Variants in CDH6 observed in about 807,000 individuals in gnomAD.
The protein encoded by CDH6 is cadherin 6.
In CDH6, 31 loss-of-function variants were observed where a neutral mutation model predicts 78.0. The observed-to-expected ratio is 0.40, with a 90% CI of 0.30 to 0.54. The LOEUF is 0.54. Ranked by LOEUF, CDH6 falls within the 20% of genes least tolerant of loss-of-function variation. CDH6 has a pLI of 0.56. For synonymous variants in CDH6, 376 were observed against 368.8 expected, an observed-to-expected ratio of 1.02 and a Z score of -0.23; for missense variants, 724 against 975.9, an observed-to-expected ratio of 0.74 and a Z score of 3.44.
At position 31,326,494 on chromosome 5, in the gene CDH6, G is replaced by A; in HGVS notation, c.*3186G>A. On this transcript the variant is annotated 3_prime_UTR_variant, in exon 12 of 12. Coordinates refer to ENST00000265071, the MANE Select transcript of CDH6 (RefSeq NM_004932.4). Reference sequence around the variant, plus strand: ...CCACAAGAGAGGGAATGTGGGCACAGTAAATAGATGTTTCTTTCAGAACTT... The same window carrying A: ...CCACAAGAGAGGGAATGTGGGCACAATAAATAGATGTTTCTTTCAGAACTT... 5.1e-6 allele frequency: 1 copy of A among 195,688 alleles called. No individual in the cohort carries two copies. Among genetic ancestry groups the A allele is most frequent in the Non-Finnish European group, 1.1e-5 (1 of 94,246 alleles). The allele number at this position is 195,688 out of a possible 1,614,324, so 12.1% of individuals were successfully genotyped here.
intron 1 of CDH6, among the ~76,000 whole-genome samples, chr5:31,260,431 G>A (rs1161482658): frequency 6.6e-6 from 1 of 152,130 alleles, no homozygotes; most frequent in African/African-American, 2.4e-5. Flanking sequence ...CCCACATGTG[G>A]TAGAAAAACT....
chr5:31,213,385 G>T (rs1740771820), intron 1 of CDH6, among the ~76,000 whole-genome samples: 1 of 152,128 alleles, frequency 6.6e-6, no homozygotes, highest in Non-Finnish European at 1.5e-5. Context: ...TTGGCTGTTG[G>T]TGTCTCTGTC....
intron 1 of CDH6, among the ~76,000 whole-genome samples, chr5:31,264,407 C>G (rs1319507058): frequency 1.3e-5 from 2 of 152,080 alleles, no homozygotes; most frequent in African/African-American, 4.8e-5. Context: ...TTATAACACC[C>G]TATGAGGTGG....
Position 31,317,854 on chromosome 5 carries a change from G to A in CDH6, c.1812G>A (p.Ala604=). 6.2e-7 allele frequency: 1 copy of A among 1,614,006 alleles called. No homozygotes were observed. ...ACATGCAATCCTGCCATGCGGAGGC[G>A]CTCATCCACCCCACGGGACTGAGCA... ...HGNMQSCHAE[A]LIHPTGLSTG... is the part of the protein sequence containing the mutation. The change falls in exon 11 of 12, where the codon GCG becomes GCA. Residue 604 remains alanine (A), a synonymous_variant. Coordinates refer to ENST00000265071, the MANE Select transcript of CDH6 (RefSeq NM_004932.4).
At chr5:31,246,693 T>C (rs1490948709) in intron 1 of CDH6, among the ~76,000 whole-genome samples, 1 of 152,204 alleles carries the variant, frequency 6.6e-6, no homozygotes, top group Non-Finnish European at 1.5e-5. Context: ...GACCGCAAAA[T>C]GTGCATAGGT....
intron 1 of CDH6, among the ~76,000 whole-genome samples, chr5:31,196,342 G>A (rs1455827562): frequency 6.6e-6 from 1 of 152,176 alleles, no homozygotes; most frequent in African/African-American, 2.4e-5. Flanking sequence ...CTGAAAATTA[G>A]GACTAATTGA....
At chr5:31,216,985 C>T (rs1029671228) in intron 1 of CDH6, among the ~76,000 whole-genome samples, 6 of 152,042 alleles carry the variant, frequency 3.9e-5, no homozygotes, top group Non-Finnish European at 2.9e-5. Context: ...GTCCTTCTCC[C>T]TGGGTGCTGT....
Position 31,207,775 on chromosome 5 carries a change from T to C in CDH6, c.-129+13889T>C, listed in dbSNP as rs553033497. Among the ~76,000 whole-genome samples the C allele has an allele frequency of 3.3e-5, 5 of 152,340 alleles. No homozygotes were observed. In the East Asian group the frequency reaches 5.8e-4, roughly 18 times the overall value. ...TGTGTTGGAGGTTAGTTTTCTTTTC[T>C]AATAATTTGATTTCTTTGGATACAT... On this transcript the variant is annotated intron_variant, in intron 1 of 11. Transcript: ENST00000265071.
intron 1 of CDH6, among the ~76,000 whole-genome samples, chr5:31,202,788 A>G (rs1268047183): frequency 1.3e-5 from 2 of 151,420 alleles, no homozygotes; most frequent in Non-Finnish European, 2.9e-5. Flanking sequence ...TGTCACATAT[A>G]TATGTGTATA....
intron 11 of CDH6, among the ~76,000 whole-genome samples, chr5:31,320,220 C>A (rs1055806164): frequency 1.3e-5 from 2 of 152,192 alleles, no homozygotes; most frequent in South Asian, 4.1e-4. Flanking sequence ...GACAGCGACA[C>A]TCTCAAGAAA....
chr5:31,217,096 A>G (rs947830153), intron 1 of CDH6, among the ~76,000 whole-genome samples: 5 of 152,150 alleles, frequency 3.3e-5, no homozygotes, highest in South Asian at 4.1e-4. Context: ...GACCTGTTAA[A>G]TGAAGTGGGG....
Position 31,293,947 on chromosome 5 carries a change from T to C in CDH6, c.229-15T>C, listed in dbSNP as rs187680810. The C allele has an allele frequency of 2.6e-6, 4 of 1,535,732 alleles. No individual in the cohort carries two copies. In the East Asian group the frequency reaches 9.1e-5, roughly 35 times the overall value. On this transcript the variant is annotated splice_polypyrimidine_tract_variant and intron_variant, in intron 2 of 11. Coordinates refer to ENST00000265071, the MANE Select transcript of CDH6 (RefSeq NM_004932.4). ...CTTGACTTTTACTTTCTTTAATTTT[T>C]TTTTTCTACACTAGTTACATTCAGA...
At chr5:31,285,176 A>C (rs1742978986) in intron 2 of CDH6, among the ~76,000 whole-genome samples, 1 of 152,238 alleles carries the variant, frequency 6.6e-6, no homozygotes, top group Non-Finnish European at 1.5e-5. Context: ...ACTTACGGGA[A>C]GGAGTGTTTC....
Position 31,302,228 on chromosome 5 carries a change from G to A in CDH6, c.929G>A (p.Gly310Asp). 2 of 1,614,120 alleles carry A rather than the reference G, an allele frequency of 1.2e-6. No homozygotes were observed. The highest frequency in any genetic ancestry group is 1.1e-5 in the South Asian group (1 of 91,088). ...GAAATTGAGTACAGCATCACAGACGGTGAGGGGCTGGATATGTTTGATGTC... is the reference window on the plus strand; with the variant it reads ...GAAATTGAGTACAGCATCACAGACGATGAGGGGCTGGATATGTTTGATGTC... The part of the protein sequence containing the change: ...NAEIEYSITD[G>D]EGLDMFDVIT... The change falls in exon 6 of 12, where the codon GGT (glycine) becomes GAT (aspartate). Residue 310 changes from glycine (G) to aspartate (D), a missense_variant. By Grantham distance (94) the Gly-to-Asp change is moderately conservative. This residue lies in a region of CDH6 where 446 missense variants were observed against 684.5 expected (regional missense o/e 0.65). Coordinates refer to ENST00000265071, the MANE Select transcript of CDH6 (RefSeq NM_004932.4).
Position 31,323,157 on chromosome 5 carries a change from A to T in CDH6, c.2222A>T (p.Glu741Val). Residue 741 changes from glutamate (E) to valine (V), a missense_variant, in exon 12 of 12, where the codon GAA becomes GTA. Transcript: ENST00000265071. ...GACTCCTTGGCCACTTACGCCTATG[A>T]AGGCACTGGCTCCGTGGCGGATTCC... is the stretch of plus-strand genomic sequence containing the variant. Reference protein sequence around the residue: ...PYDSLATYAYEGTGSVADSLS... With the variant: ...PYDSLATYAYVGTGSVADSLS... 6.2e-7 allele frequency: 1 copy of T among 1,614,148 alleles called. No individual in the cohort carries two copies. The highest frequency in any genetic ancestry group is 8.5e-7 in the Non-Finnish European group (1 of 1,180,010).
intron 1 of CDH6, among the ~76,000 whole-genome samples, chr5:31,247,673 C>A (rs1041550257): frequency 1.3e-5 from 2 of 152,176 alleles, no homozygotes; most frequent in African/African-American, 4.8e-5. Context: ...AGTGATGATT[C>A]ATTCTGTTTT....
At chr5:31,322,519 T>A (rs1185175182) in intron 11 of CDH6, among the ~76,000 whole-genome samples, 2 of 152,172 alleles carry the variant, frequency 1.3e-5, no homozygotes, top group Non-Finnish European at 2.9e-5. Flanking sequence ...TTCTTTATTA[T>A]TTTTTTCCTT....
At chr5:31,245,899 C>CTTTTTTTTTTTTTTT (rs71612205) in intron 1 of CDH6, among the ~76,000 whole-genome samples, 2 of 87,668 alleles carry the variant, frequency 2.3e-5, no homozygotes, top group Admixed American at 1.5e-4. Flanking sequence ...CTCTCTCTCT[C>CTTTTTTTTTTTTTTT]TTTTTTTTTT....
chr5:31,217,311 C>T (rs1740893511), intron 1 of CDH6, among the ~76,000 whole-genome samples: 1 of 152,028 alleles, frequency 6.6e-6, no homozygotes, highest in Non-Finnish European at 1.5e-5. Flanking sequence ...ATGCACACAT[C>T]CATATATACT....
Sources: gnomAD v4.1 joint callset for allele counts (sites outside exome capture counted in the v4.1 genomes callset) on GRCh38, gnomAD v4.1.1 for gene constraint, gnomAD v4.1.1 regional missense constraint, MANE v1.5 for transcripts, NCBI Gene and HGNC (gene_info 2026-07-23, HGNC 2026-07-21) for gene names.